Variants in PTPRN2 observed in about 807,000 individuals in gnomAD.
The protein encoded by PTPRN2 is receptor-type tyrosine-protein phosphatase N2.
In PTPRN2, 74 loss-of-function variants were observed where a neutral mutation model predicts 118.8. That is an observed-to-expected ratio of 0.62 (90% CI 0.52 to 0.76). The LOEUF (loss-of-function observed/expected upper bound fraction) is 0.76. Ranked by LOEUF, PTPRN2 falls within the 30% of genes least tolerant of loss-of-function variation. The pLI is 0.00. For missense variants in PTPRN2, 1,481 were observed against 1,394.4 expected, an observed-to-expected ratio of 1.06 and a Z score of -0.99; for synonymous variants, 641 against 608.0, an observed-to-expected ratio of 1.05 and a Z score of -0.80.
Position 157,550,769 on chromosome 7 carries a change from G to C in PTPRN2, c.2903-1750C>G, listed in dbSNP as rs1457944569. ...GGCTTTCTTTTGCGGCAGCCCGTGA[G>C]CTCGGCCACCAGGGAACTAGCTGGC... On this transcript the variant is annotated intron_variant, in intron 21 of 22. Transcript: ENST00000389418. This position sits in a 1 kb window ranked among gnomAD's most constrained non-coding sequence, Gnocchi z 5.2. Among the ~76,000 whole-genome samples the C allele has an allele frequency of 6.6e-6, 1 of 152,208 alleles. No individual in the cohort carries two copies. The highest frequency in any genetic ancestry group is 1.5e-5 in the Non-Finnish European group (1 of 68,024).
chr7:158,441,436 A>G (rs1384524976), intron 2 of PTPRN2, among the ~76,000 whole-genome samples: 18 of 135,056 alleles, frequency 1.3e-4, no homozygotes, highest in African/African-American at 3.9e-4. Context: ...AGTGATGGTG[A>G]TGGCAGTGGT....
chr7:157,760,368 T>C (rs762287912), intron 12 of PTPRN2, among the ~76,000 whole-genome samples: 13 of 151,960 alleles, frequency 8.6e-5, no homozygotes. Flanking sequence ...ACGTTCTCGG[T>C]GTCCCCACGT....
intron 11 of PTPRN2, among the ~76,000 whole-genome samples, chr7:157,919,108 A>G (rs1436248179): frequency 6.6e-6 from 1 of 152,216 alleles, no homozygotes; most frequent in Non-Finnish European, 1.5e-5. Flanking sequence ...GCCCGAGAAC[A>G]TGACAAAGAG....
At chr7:157,551,006 T>C (rs568689044) in intron 21 of PTPRN2, among the ~76,000 whole-genome samples, 44 of 152,294 alleles carry the variant, frequency 2.9e-4, no homozygotes, top group African/African-American at 9.4e-4. Flanking sequence ...CCTGCGGCCA[T>C]GACTGTGGCG....
rs527374589 is a variant in PTPRN2, at chr7:157,986,929, C to T, written c.1724-88192G>A. On this transcript the variant is annotated intron_variant, in intron 11 of 22. Transcript: ENST00000389418. The surrounding 1 kb of genome is among the most constrained non-coding windows in gnomAD (Gnocchi z 4.5). Reference sequence around the variant, plus strand: ...CCCAGTGACTTTGGGGTCATTTGCACGGTATCAGCTATAGCCGCAGTGAGA... The same window carrying T: ...CCCAGTGACTTTGGGGTCATTTGCATGGTATCAGCTATAGCCGCAGTGAGA... Among the ~76,000 whole-genome samples, 16 of 152,230 alleles carry T rather than the reference C, an allele frequency of 1.1e-4. No homozygotes were observed. In the South Asian group the frequency reaches 3.1e-3, roughly 30 times the overall value.
intron 13 of PTPRN2, among the ~76,000 whole-genome samples, chr7:157,679,684 A>C (rs1796827201): frequency 1.3e-5 from 2 of 152,222 alleles, no homozygotes; most frequent in African/African-American, 4.8e-5. Context: ...TCCCAAGCCC[A>C]GGCTCTGACT....
chr7:158,245,279 C>T (rs899438743), intron 3 of PTPRN2, among the ~76,000 whole-genome samples: 3 of 151,568 alleles, frequency 2.0e-5, no homozygotes, highest in African/African-American at 7.3e-5. Flanking sequence ...TGCCGGAACC[C>T]ATGGCCATGC....
chr7:157,575,196 T>C (rs1799968084), intron 19 of PTPRN2, among the ~76,000 whole-genome samples: 1 of 152,244 alleles, frequency 6.6e-6, no homozygotes, highest in African/African-American at 2.4e-5. Context: ...TTAAGATGAA[T>C]TGCCGTCTTT....
Position 158,362,419 on chromosome 7 carries a change from G to T in PTPRN2, c.164-45487C>A, listed in dbSNP as rs1809063730. Among the ~76,000 whole-genome samples the T allele has an allele frequency of 4.6e-5, 7 of 152,260 alleles. No homozygotes were observed. In the South Asian group the frequency reaches 1.4e-3, roughly 32 times the overall value. On this transcript the variant is annotated intron_variant, in intron 2 of 22. Coordinates refer to ENST00000389418, the MANE Select transcript of PTPRN2 (RefSeq NM_002847.5). Reference sequence around the variant, plus strand: ...AGAGAAGAAAAATTTGACTTTATTTGTAATTAAAGATGGCCTAATTAAGGC... The same window carrying T: ...AGAGAAGAAAAATTTGACTTTATTTTTAATTAAAGATGGCCTAATTAAGGC...
chr7:157,818,444 A>T (rs147288919), intron 12 of PTPRN2, among the ~76,000 whole-genome samples: 1 of 152,160 alleles, frequency 6.6e-6, no homozygotes, highest in East Asian at 1.9e-4. Flanking sequence ...ATTTGGGAAG[A>T]TGTCTTGGGG....
intron 11 of PTPRN2, among the ~76,000 whole-genome samples, chr7:157,908,405 CAAAT>C (rs1797900179): frequency 6.6e-6 from 1 of 152,252 alleles, no homozygotes; most frequent in African/African-American, 2.4e-5. Context: ...GGAGAAAAGA[CAAAT>C]TAATGAACGT....
intron 12 of PTPRN2, among the ~76,000 whole-genome samples, chr7:157,766,398 T>C (rs1802493495): frequency 6.6e-6 from 1 of 150,718 alleles, no homozygotes; most frequent in Non-Finnish European, 1.5e-5. Context: ...CCAACCACCA[T>C]CCCTCATCTG....
At chr7:158,522,451 G>GT (rs537973746) in intron 1 of PTPRN2, among the ~76,000 whole-genome samples, 9 of 151,196 alleles carry the variant, frequency 6.0e-5, no homozygotes, top group African/African-American at 2.2e-4. Context: ...ATGGTAGACT[G>GT]TTTAGGAGAA....
chr7:157,901,927 CCG>C (rs1797481295), intron 11 of PTPRN2, among the ~76,000 whole-genome samples: 13 of 137,658 alleles, frequency 9.4e-5, no homozygotes, highest in Non-Finnish European at 1.5e-4. Context: ...CGGGGCCTTC[CCG>C]TCCGTGTTTC....
chr7:157,929,579 C>T lies in PTPRN2; in HGVS notation c.1724-30842G>A, dbSNP rs983894922. 9.9e-5 allele frequency among the ~76,000 whole-genome samples: 15 copies of T among 152,164 alleles called. No individual in the cohort carries two copies. Among genetic ancestry groups the T allele is most frequent in the Admixed American group, 3.3e-4 (5 of 15,286 alleles). On this transcript the variant is annotated intron_variant, in intron 11 of 22. Coordinates refer to ENST00000389418, the MANE Select transcript of PTPRN2 (RefSeq NM_002847.5). The surrounding 1 kb of genome is among the most constrained non-coding windows in gnomAD (Gnocchi z 4.4). ...CCTCCTTTTACCACATTTGCCACCT[C>T]TGGTCCCATCTTCCTTTCAGGGTCC...
chr7:158,443,627 G>A (rs148958782), intron 2 of PTPRN2, among the ~76,000 whole-genome samples: 13 of 152,174 alleles, frequency 8.5e-5, no homozygotes, highest in African/African-American at 2.4e-4. Context: ...ATGGGGGAGC[G>A]GCGTGGGGCA....
chr7:157,910,725 C>G (rs1407836197), intron 11 of PTPRN2, among the ~76,000 whole-genome samples: 1 of 131,426 alleles, frequency 7.6e-6, no homozygotes, highest in Non-Finnish European at 1.7e-5. Flanking sequence ...TGTGTGTGTG[C>G]GAGCGCGCGT....
chr7:158,118,395 A>G (rs1377186098), intron 9 of PTPRN2, among the ~76,000 whole-genome samples: 3 of 152,252 alleles, frequency 2.0e-5, no homozygotes, highest in East Asian at 3.8e-4. Context: ...AAATAGCTAC[A>G]TAATACGTAC....
rs112288620 is a variant in PTPRN2, at chr7:157,763,084, T to G, written c.1789-80147A>C. Among the ~76,000 whole-genome samples the G allele has an allele frequency of 5.4e-5, 7 of 129,608 alleles. No individual in the cohort carries two copies. The highest frequency in any genetic ancestry group is 1.9e-4 in the African/African-American group (6 of 32,068). The allele number at this position is 129,608 out of a possible 152,430, so 85.0% of individuals were successfully genotyped here. A position where few individuals can be genotyped will look rare whatever the true frequency, so the allele number is the denominator to read the frequency against. ...AGAGCCCACGGCCGCCCACTCATGGTCACAGAGCTAACCATCAGAGCCCAC... is the reference window on the plus strand; with the variant it reads ...AGAGCCCACGGCCGCCCACTCATGGGCACAGAGCTAACCATCAGAGCCCAC... On this transcript the variant is annotated intron_variant, in intron 12 of 22. Transcript: ENST00000389418. This position sits in a 1 kb window ranked among gnomAD's most constrained non-coding sequence, Gnocchi z 4.9.
Sources: gnomAD v4.1 joint callset for allele counts (sites outside exome capture counted in the v4.1 genomes callset) on GRCh38, gnomAD v4.1.1 for gene constraint, Gnocchi (gnomAD v3.1) non-coding constraint, MANE v1.5 for transcripts, NCBI Gene and HGNC (gene_info 2026-07-23, HGNC 2026-07-21) for gene names.